Variants in GAB2 observed in about 807,000 individuals in gnomAD.
GAB2 encodes the protein GRB2 associated binding protein 2.
In GAB2, 26 loss-of-function variants were observed where a neutral mutation model predicts 65.5. That is an observed-to-expected ratio of 0.40 (90% confidence interval 0.29 to 0.55). GAB2 has a LOEUF of 0.55. Among genes scored for constraint, GAB2 ranks in the 20% least tolerant of loss-of-function variants. The pLI is 0.53. For missense variants in GAB2, 884 were observed against 875.8 expected (o/e 1.01, Z -0.12); for synonymous variants, 321 against 329.6 (o/e 0.97, Z 0.28).
intron 2 of GAB2, among the ~76,000 whole-genome samples, chr11:78,263,271 C>T (rs1360129700): frequency 6.6e-6 from 1 of 152,142 alleles, no homozygotes; most frequent in South Asian, 2.1e-4. Context: ...AAACCATATT[C>T]CTTTTTATTA....
intron 1 of GAB2, among the ~76,000 whole-genome samples, chr11:78,306,293 C>G (rs564885131): frequency 6.6e-6 from 1 of 152,202 alleles, no homozygotes; most frequent in East Asian, 1.9e-4. Context: ...TGCAGTGGTG[C>G]GCCCTTGGCT....
chr11:78,226,642 G>C lies in GAB2; in HGVS notation c.1030C>G (p.Pro344Ala). Reference sequence around the variant, plus strand: ...GGGGGAGCTATGGCTGAGTCCCCAGGAGTGGCCACTGTCATGGCATTGTGG... The same window carrying C: ...GGGGGAGCTATGGCTGAGTCCCCAGCAGTGGCCACTGTCATGGCATTGTGG... The part of the protein sequence containing the change: ...KNHNAMTVAT[P>A]GDSAIAPPPR... Residue 344 changes from proline to alanine, a missense_variant, in exon 4 of 10, where the codon CCT becomes GCT. Coordinates refer to ENST00000361507, the MANE Select transcript of GAB2 (RefSeq NM_080491.3). 1 of 1,614,024 alleles carries C rather than the reference G, an allele frequency of 6.2e-7. No homozygotes were observed. Among genetic ancestry groups the C allele is most frequent in the South Asian group, 1.1e-5 (1 of 91,078 alleles).
intron 1 of GAB2, among the ~76,000 whole-genome samples, chr11:78,297,018 C>T (rs1591012003): frequency 6.6e-6 from 1 of 152,144 alleles, no homozygotes; most frequent in South Asian, 2.1e-4. Flanking sequence ...CCTCCTAATA[C>T]CAACACATCA....
chr11:78,383,581 C>CAAAAAAAAA lies in GAB2; in HGVS notation c.75+34056_75+34064dup, dbSNP rs534814220. Among the ~76,000 whole-genome samples, 419 of 55,464 alleles carry CAAAAAAAAA rather than the reference C, an allele frequency of 7.6e-3. 7 individuals carry two copies. Among genetic ancestry groups the CAAAAAAAAA allele is most frequent in the Non-Finnish European group, 9.8e-3 (267 of 27,318 alleles). 36.4% of individuals were successfully genotyped at this position (55,464 alleles called of 152,430 possible). ...GCAACATGGCAAAACCCTGTCTCTC[C>CAAAAAAAAA]AAAAAAAAAAAAAAAAAAATACAAA... is the stretch of plus-strand genomic sequence containing the variant. On this transcript the variant is annotated intron_variant, in intron 1 of 9. Transcript: ENST00000361507.
At chr11:78,296,414 A>G (rs1054792866) in intron 1 of GAB2, among the ~76,000 whole-genome samples, 2 of 152,270 alleles carry the variant, frequency 1.3e-5, no homozygotes, top group Admixed American at 1.3e-4. Context: ...CATGGCTAAC[A>G]GCACTTCAAC....
At chr11:78,319,354 G>A (rs1280303609) in intron 1 of GAB2, among the ~76,000 whole-genome samples, 2 of 152,172 alleles carry the variant, frequency 1.3e-5, no homozygotes, top group East Asian at 3.9e-4. Flanking sequence ...CCTTAAAAAT[G>A]TTCATCCCTT....
chr11:78,264,546 A>G (rs573888490), intron 2 of GAB2, among the ~76,000 whole-genome samples: 9 of 151,572 alleles, frequency 5.9e-5, no homozygotes, highest in Admixed American at 1.3e-4. Flanking sequence ...GACTACAGGC[A>G]CGTGCCACCA....
intron 9 of GAB2, 99 bp from the exon 10 acceptor site, chr11:78,219,514 G>A: frequency 9.0e-7 from 1 of 1,117,234 alleles, no homozygotes; most frequent in Non-Finnish European, 1.3e-6. Flanking sequence ...GTCTGAAGGG[G>A]AGAAGAGCAT....
intron 1 of GAB2, among the ~76,000 whole-genome samples, chr11:78,385,655 G>A (rs1856756639): frequency 2.0e-5 from 3 of 152,158 alleles, no homozygotes; most frequent in Admixed American, 2.0e-4. Context: ...GCATATGCAG[G>A]AGAAACTTTA....
intron 2 of GAB2, among the ~76,000 whole-genome samples, chr11:78,257,800 C>T (rs574499469): frequency 4.6e-5 from 7 of 151,948 alleles, no homozygotes; most frequent in African/African-American, 1.7e-4. Context: ...CTGTGAGGTA[C>T]ATATTATTAC....
intron 1 of GAB2, among the ~76,000 whole-genome samples, chr11:78,400,193 G>A (rs1473037677): frequency 6.6e-6 from 1 of 152,088 alleles, no homozygotes; most frequent in African/African-American, 2.4e-5. Context: ...CACCCCATGT[G>A]CACCACCTCT....
intron 1 of GAB2, among the ~76,000 whole-genome samples, chr11:78,346,283 TA>T (rs965492363): frequency 4.6e-5 from 7 of 152,138 alleles, no homozygotes; most frequent in African/African-American, 1.7e-4. Context: ...ATACCCTTTA[TA>T]AGCTTCCAAC....
intron 1 of GAB2, among the ~76,000 whole-genome samples, chr11:78,349,031 G>C (rs1856233253): frequency 6.6e-6 from 1 of 152,186 alleles, no homozygotes; most frequent in Admixed American, 6.5e-5. Context: ...GGCAAAGGAA[G>C]GGAAAGACTG....
intron 1 of GAB2, among the ~76,000 whole-genome samples, chr11:78,410,801 T>C (rs1166926580): frequency 1.3e-5 from 2 of 152,098 alleles, no homozygotes; most frequent in Admixed American, 6.6e-5. Flanking sequence ...ATCCAGATGG[T>C]TTAATCTGGA....
At chr11:78,294,285 T>A (rs1299735657) in intron 1 of GAB2, among the ~76,000 whole-genome samples, 1 of 152,230 alleles carries the variant, frequency 6.6e-6, no homozygotes, top group Non-Finnish European at 1.5e-5. Context: ...ATGGTGTATA[T>A]GTGCCACATT....
chr11:78,226,809 T>C lies in GAB2; in HGVS notation c.863A>G (p.Asp288Gly). 1.2e-6 allele frequency: 2 copies of C among 1,614,104 alleles called. No homozygotes were observed. The highest frequency in any genetic ancestry group is 2.7e-5 in the African/African-American group (2 of 75,034). Reference sequence around the variant, plus strand: ...CTTGAAGGTGTACACATCCTCATTATCTGTCTCGGAGCCTGTGAGGCTGCC... The same window carrying C: ...CTTGAAGGTGTACACATCCTCATTACCTGTCTCGGAGCCTGTGAGGCTGCC... ...TKGSLTGSET[D>G]NEDVYTFKTP... The change falls in exon 4 of 10, where the codon GAT becomes GGT. Residue 288 changes from aspartate (D) to glycine (G), a missense_variant. Transcript: ENST00000361507.
intron 1 of GAB2, among the ~76,000 whole-genome samples, chr11:78,377,231 G>A (rs889181880): frequency 6.6e-6 from 1 of 152,236 alleles, no homozygotes; most frequent in African/African-American, 2.4e-5. Context: ...ATTTCTCACA[G>A]TTCTGGAGGC....
intron 6 of GAB2, among the ~76,000 whole-genome samples, 191 bp downstream of exon 6, chr11:78,223,221 T>G (rs1864512566): frequency 2.0e-5 from 3 of 152,206 alleles, no homozygotes; most frequent in African/African-American, 7.2e-5. Context: ...TCCTAGATGC[T>G]CTCCTTTGCA....
chr11:78,246,115 A>T (rs1213250803), intron 3 of GAB2, among the ~76,000 whole-genome samples: 1 of 151,850 alleles, frequency 6.6e-6, no homozygotes, highest in Non-Finnish European at 1.5e-5. Context: ...TATTTTTAGT[A>T]GAGACGGGGT....
Sources: gnomAD v4.1 joint callset for allele counts (sites outside exome capture counted in the v4.1 genomes callset) on GRCh38, gnomAD v4.1.1 for gene constraint, MANE v1.5 for transcripts, NCBI Gene and HGNC (gene_info 2026-07-23, HGNC 2026-07-21) for gene names.